CCDC144A: variants seen among roughly 807,000 people sequenced by gnomAD.
The protein encoded by CCDC144A is coiled-coil domain containing 144A.
In CCDC144A, 41 loss-of-function variants were observed where a neutral mutation model predicts 143.8. The ratio of observed to expected loss-of-function variants is 0.29; its 90% CI spans 0.22 to 0.37. The LOEUF is 0.37. Among genes scored for constraint, CCDC144A ranks in the 10% least tolerant of loss-of-function variants. The pLI is 1.00. For missense variants in CCDC144A, 637 were observed against 1,488.8 expected, an observed-to-expected ratio of 0.43 and a Z score of 9.41; for synonymous variants, 242 against 517.9, an observed-to-expected ratio of 0.47 and a Z score of 7.23.
chr17:16,685,013 T>C (rs1910731288), upstream of CCDC144A, among the ~76,000 whole-genome samples: 1 of 152,194 alleles, frequency 6.6e-6, no homozygotes, highest in Non-Finnish European at 1.5e-5. Flanking sequence ...CTTTTCCTTA[T>C]CATACAAGTA....
intron 6 of CCDC144A, among the ~76,000 whole-genome samples, chr17:16,717,148 CA>C (rs1567592191): frequency 7.7e-6 from 1 of 129,138 alleles, no homozygotes; most frequent in Non-Finnish European, 1.6e-5. Flanking sequence ...GACAGAGTCT[CA>C]CTCTGTCACC....
chr17:16,716,709 T>A (rs573653885), intron 6 of CCDC144A, among the ~76,000 whole-genome samples: 27 of 152,348 alleles, frequency 1.8e-4, no homozygotes, highest in Non-Finnish European at 3.4e-4. Context: ...GTTTAATCTG[T>A]TTAAACATTA....
upstream of CCDC144A, among the ~76,000 whole-genome samples, chr17:16,688,484 G>GTTTTTTTTTTTTTTT (rs66493875): frequency 2.8e-5 from 2 of 71,622 alleles, no homozygotes; most frequent in Non-Finnish European, 5.1e-5. Context: ...TTCTTTTTCT[G>GTTTTTTTTTTTTTTT]TTTTTTTTTT....
At chr17:16,711,137 A>G (rs1420214758) in intron 5 of CCDC144A, among the ~76,000 whole-genome samples, 2 of 71,448 alleles carry the variant, frequency 2.8e-5, no homozygotes, top group East Asian at 2.5e-4. Context: ...GATTCAAATG[A>G]AAAAAAAAAA....
chr17:16,768,244 A>G (rs1915688851), intron 15 of CCDC144A, among the ~76,000 whole-genome samples: 1 of 152,264 alleles, frequency 6.6e-6, no homozygotes, highest in Non-Finnish European at 1.5e-5. Flanking sequence ...GAGTTCCATT[A>G]GACCCCCAAT....
At chr17:16,696,644 A>G (rs535844269) in intron 2 of CCDC144A, among the ~76,000 whole-genome samples, 3 of 151,588 alleles carry the variant, frequency 2.0e-5, no homozygotes, top group Admixed American at 6.6e-5. Context: ...AAAAAAAAAA[A>G]AAAAGAAAAG....
At chr17:16,737,631 G>A (rs1177192271) in intron 12 of CCDC144A, 1 of 1,293,008 alleles carries the variant, frequency 7.7e-7, no homozygotes, top group East Asian at 5.6e-5. Context: ...TAATTTAGAT[G>A]AGACACAGGA....
chr17:16,737,895 C>G (rs1440160036), intron 12 of CCDC144A, among the ~76,000 whole-genome samples: 1 of 151,936 alleles, frequency 6.6e-6, no homozygotes, highest in East Asian at 1.9e-4. Flanking sequence ...AAATAAGGAT[C>G]ATTTCCAAAG....
the CCDC144A span, among the ~76,000 whole-genome samples, chr17:16,681,859 C>CAA: frequency 8.3e-6 from 1 of 120,402 alleles, no homozygotes; most frequent in African/African-American, 3.1e-5. Context: ...AACTCCGTCT[C>CAA]AAAAAAAAAA....
intron 12 of CCDC144A, among the ~76,000 whole-genome samples, chr17:16,737,149 G>A (rs1914047657): frequency 7.0e-6 from 1 of 142,552 alleles, no homozygotes; most frequent in Non-Finnish European, 1.5e-5. Context: ...AAGTATATGA[G>A]TTAGAGTTAA....
At chr17:16,668,240 T>C in the CCDC144A span, among the ~76,000 whole-genome samples, 1 of 151,914 alleles carries the variant, frequency 6.6e-6, no homozygotes, top group Non-Finnish European at 1.5e-5. Flanking sequence ...GAATAATTTA[T>C]ATAAATTGAT....
At chr17:16,745,633 A>G (rs895884677) in intron 12 of CCDC144A, 14 of 1,573,422 alleles carry the variant, frequency 8.9e-6, no homozygotes. Flanking sequence ...GCAGTGACTC[A>G]CTCTGCCTCT....
At chr17:16,719,871 A>G (rs1299723389) in intron 6 of CCDC144A, among the ~76,000 whole-genome samples, 2 of 152,128 alleles carry the variant, frequency 1.3e-5, no homozygotes, top group Non-Finnish European at 2.9e-5. Flanking sequence ...AGACCCTGGT[A>G]TATTTATTTT....
chr17:16,767,140 C>G (rs974898589), intron 15 of CCDC144A: 2 of 152,276 alleles, frequency 1.3e-5, no homozygotes, highest in Non-Finnish European at 2.9e-5. Context: ...GCTAAAAATA[C>G]AAAAATTAGC....
Position 16,773,981 on chromosome 17 carries a change from ACAT to A in CCDC144A, c.*352_*354del, listed in dbSNP as rs768797648. The A allele has an allele frequency of 4.0e-3, 883 of 218,334 alleles. No homozygotes were observed. The highest frequency in any genetic ancestry group is 6.1e-3 in the Non-Finnish European group (721 of 117,444). 13.5% of individuals were successfully genotyped at this position (218,334 alleles called of 1,614,324 possible). ...TAGTGATAGATTTAAGTTTAGATAG[ACAT>A]CATTTTGGTATACTGGTACTGTGGT... On this transcript the variant is annotated 3_prime_UTR_variant, in exon 17 of 17. Transcript: ENST00000399273.
intron 2 of CCDC144A, among the ~76,000 whole-genome samples, chr17:16,696,417 G>GT (rs1911410005): frequency 6.6e-6 from 1 of 151,124 alleles, no homozygotes; most frequent in African/African-American, 2.4e-5. Context: ...AGATCACAAG[G>GT]TCAGGAGATC....
chr17:16,744,173 A>AT (rs1567602894), intron 12 of CCDC144A, among the ~76,000 whole-genome samples: 1 of 152,138 alleles, frequency 6.6e-6, no homozygotes, highest in South Asian at 2.1e-4. Flanking sequence ...TGGTAGAATG[A>AT]TTTTTTGGTG....
chr17:16,733,210 G>A lies in CCDC144A; in HGVS notation c.2418+544G>A, dbSNP rs1335233751. Among the ~76,000 whole-genome samples, 12 of 149,608 alleles carry A rather than the reference G, an allele frequency of 8.0e-5. No individual in the cohort carries two copies. The East Asian group carries it at 2.2e-3, about 27-fold the overall frequency. Reference sequence around the variant, plus strand: ...AATGATATGCCATAATATAAACTTGGTGATAATTTATTGGTAAGTGTTTTT... The same window carrying A: ...AATGATATGCCATAATATAAACTTGATGATAATTTATTGGTAAGTGTTTTT... On this transcript the variant is annotated intron_variant, in intron 11 of 16. Transcript: ENST00000399273.
the CCDC144A span, among the ~76,000 whole-genome samples, chr17:16,670,097 C>G: frequency 1.0e-3 from 159 of 151,730 alleles, no homozygotes; most frequent in African/African-American, 3.7e-3. Flanking sequence ...AGGAGAATCC[C>G]TTGAACCTGG....
Sources: gnomAD v4.1 joint callset for allele counts (sites outside exome capture counted in the v4.1 genomes callset) on GRCh38, gnomAD v4.1.1 for gene constraint, MANE v1.5 for transcripts, NCBI Gene and HGNC (gene_info 2026-07-23, HGNC 2026-07-21) for gene names.